The following AFG2A variants were observed in gnomAD, a reference collection of about 807,000 sequenced individuals.
AFG2A encodes AAA ATPase AFG2A, also known as ATPase family gene 2 protein homolog A.
chr4:123,050,909 T>A, the AFG2A span, among the ~76,000 whole-genome samples: 1 of 152,046 alleles, frequency 6.6e-6, no homozygotes, highest in Non-Finnish European at 1.5e-5. Flanking sequence ...CACGCCCAGC[T>A]AATTTTTTTT....
the AFG2A span, among the ~76,000 whole-genome samples, chr4:122,941,541 A>G: frequency 2.0e-5 from 3 of 152,258 alleles, no homozygotes; most frequent in Non-Finnish European, 4.4e-5. Flanking sequence ...GGGCTGAGAC[A>G]GTGGGGTTTT....
chr4:123,140,497 G>GTTT, the AFG2A span, among the ~76,000 whole-genome samples: 122 of 143,620 alleles, frequency 8.5e-4, no homozygotes, highest in South Asian at 7.2e-3. Context: ...AGAGGATAAG[G>GTTT]TTTTTTTTTT....
the AFG2A span, among the ~76,000 whole-genome samples, chr4:123,213,282 T>C: frequency 7.9e-4 from 120 of 152,258 alleles, no homozygotes; most frequent in Middle Eastern, 3.4e-3. Flanking sequence ...CTGTATAGAA[T>C]AAAATATTTC....
chr4:123,110,028 T>C, the AFG2A span, among the ~76,000 whole-genome samples: 36 of 152,292 alleles, frequency 2.4e-4, no homozygotes, highest in African/African-American at 8.7e-4. Context: ...TATTTTCTGT[T>C]TTTAACTTCT....
At chr4:122,945,713 A>G in the AFG2A span, among the ~76,000 whole-genome samples, 1 of 152,198 alleles carries the variant, frequency 6.6e-6, no homozygotes, top group Non-Finnish European at 1.5e-5. Flanking sequence ...AGATGGAAAT[A>G]CAGAAATCAC....
the AFG2A span, among the ~76,000 whole-genome samples, chr4:123,049,487 T>C: frequency 6.6e-6 from 1 of 152,142 alleles, no homozygotes; most frequent in Non-Finnish European, 1.5e-5. Flanking sequence ...ATCCTGTGCT[T>C]TTCTTTGATG....
At chr4:123,073,124 T>C in the AFG2A span, among the ~76,000 whole-genome samples, 2 of 151,992 alleles carry the variant, frequency 1.3e-5, no homozygotes, top group African/African-American at 4.8e-5. Flanking sequence ...ATCATAACCA[T>C]GCTGTATATC....
the AFG2A span, among the ~76,000 whole-genome samples, chr4:123,199,462 GTTTTTTT>G: frequency 2.1e-5 from 1 of 47,414 alleles, no homozygotes; most frequent in African/African-American, 6.3e-5. Flanking sequence ...ATACTCAGAG[GTTTTTTT>G]TTTTTTTTTT....
chr4:123,318,369 AT>A, the AFG2A span: 1 of 152,238 alleles, frequency 6.6e-6, no homozygotes, highest in African/African-American at 2.4e-5. Context: ...GTTGGAAGTT[AT>A]GAATTTTTAA....
At chr4:122,940,139 A>G in the AFG2A span, among the ~76,000 whole-genome samples, 1 of 152,184 alleles carries the variant, frequency 6.6e-6, no homozygotes, top group African/African-American at 2.4e-5. Flanking sequence ...TCCTTTGAGT[A>G]TATACCCAGT....
the AFG2A span, among the ~76,000 whole-genome samples, chr4:123,061,526 G>A: frequency 6.6e-6 from 1 of 152,180 alleles, no homozygotes; most frequent in Non-Finnish European, 1.5e-5. Context: ...AAAATCATTA[G>A]ATCTTGTGAT....
the AFG2A span, among the ~76,000 whole-genome samples, chr4:123,156,978 G>A: frequency 4.3e-4 from 65 of 151,548 alleles, no homozygotes; most frequent in African/African-American, 9.7e-5. Context: ...GGGGTGAGAC[G>A]CAAATTTGGC....
At chr4:123,083,742 G>A in the AFG2A span, among the ~76,000 whole-genome samples, 3 of 151,426 alleles carry the variant, frequency 2.0e-5, no homozygotes, top group Non-Finnish European at 4.4e-5. Context: ...GAGGATTGTT[G>A]CATCTATGTT....
the AFG2A span, chr4:122,934,207 C>A: frequency 3.7e-6 from 6 of 1,614,032 alleles, no homozygotes; most frequent in Admixed American, 8.3e-5. Flanking sequence ...ATTGGGAGGG[C>A]CTCAGAGTGA....
the AFG2A span, among the ~76,000 whole-genome samples, chr4:122,932,675 T>TGTGTAGATATTAG: frequency 8.0e-4 from 122 of 152,314 alleles, 1 homozygote; most frequent in African/African-American, 2.7e-3. Context: ...GATATTTAGG[T>TGTGTAGATATTAG]GTGTTCACTT....
the AFG2A span, among the ~76,000 whole-genome samples, chr4:123,124,138 G>A: frequency 6.6e-6 from 1 of 151,932 alleles, no homozygotes; most frequent in Admixed American, 6.6e-5. Context: ...CCATTACTGG[G>A]TATATACCCA....
chr4:123,212,992 C>T, the AFG2A span, among the ~76,000 whole-genome samples: 1 of 152,108 alleles, frequency 6.6e-6, no homozygotes, highest in Non-Finnish European at 1.5e-5. Context: ...CATAAAATAT[C>T]ACATTATAAA....
the AFG2A span, among the ~76,000 whole-genome samples, chr4:123,049,283 T>A: frequency 6.6e-6 from 1 of 152,162 alleles, no homozygotes; most frequent in African/African-American, 2.4e-5. Flanking sequence ...TGAAGATTTT[T>A]AAATCTGTGT....
chr4:123,115,829 A>G, the AFG2A span, among the ~76,000 whole-genome samples: 6 of 152,188 alleles, frequency 3.9e-5, no homozygotes, highest in Non-Finnish European at 8.8e-5. Context: ...GTCCTTGTTG[A>G]GAAGAAAAAC....
Sources: allele counts gnomAD v4.1 joint callset (sites outside exome capture counted in the v4.1 genomes callset), GRCh38; gene constraint gnomAD v4.1.1; transcripts MANE v1.5; gene names NCBI Gene and HGNC (gene_info 2026-07-23, HGNC 2026-07-21).